The following SEL1L3 variants were observed in gnomAD, a reference collection of about 807,000 sequenced individuals.
The protein encoded by SEL1L3 is SEL1L family member 3.
A neutral mutation model predicts 142.8 loss-of-function variants in SEL1L3; 76 were observed. That is an observed-to-expected ratio of 0.53 (90% CI 0.44 to 0.64). SEL1L3 has a LOEUF of 0.64. Ranked by LOEUF, SEL1L3 falls within the 30% of genes least tolerant of loss-of-function variation. The probability of loss-of-function intolerance (pLI) is 0.00; values close to 1 mark genes in which losing one functional copy is unlikely to be tolerated. For missense variants in SEL1L3, 1,262 were observed against 1,381.7 expected (o/e 0.91, Z 1.37); for synonymous variants, 504 against 519.6 (o/e 0.97, Z 0.41).
At chr4:25,813,390 A>C (rs1714160279) in intron 9 of SEL1L3, among the ~76,000 whole-genome samples, 1 of 152,240 alleles carries the variant, frequency 6.6e-6, no homozygotes, top group African/African-American at 2.4e-5. Context: ...AGGAAATTCT[A>C]ACACACACTG....
chr4:25,789,943 G>T (rs1458114038), intron 12 of SEL1L3, among the ~76,000 whole-genome samples: 3 of 152,132 alleles, frequency 2.0e-5, no homozygotes, highest in Admixed American at 6.5e-5. Flanking sequence ...GATCCTTTTG[G>T]TCCAACAAGC....
downstream of SEL1L3, among the ~76,000 whole-genome samples, chr4:25,744,794 A>T (rs889625550): frequency 1.3e-5 from 2 of 152,186 alleles, no homozygotes; most frequent in Non-Finnish European, 2.9e-5. Context: ...AGACTAAGAC[A>T]CAGACACACG....
In SEL1L3 at chr4:25,849,534, G is replaced by A. The variant is rs138902039; in HGVS notation, c.163-1670C>T. On this transcript the variant is annotated intron_variant, in intron 1 of 23. Coordinates refer to ENST00000399878, the MANE Select transcript of SEL1L3 (RefSeq NM_015187.5). ...GGTTACCAGGGCCTAAGGGAAGAGG[G>A]GATTGAGGAGTTAGGATTTAATGGG... 5.2e-3 allele frequency among the ~76,000 whole-genome samples: 785 copies of A among 152,260 alleles called. 8 individuals are homozygous for A. The highest frequency in any genetic ancestry group is 0.017 in the African/African-American group (722 of 41,558).
chr4:25,793,312 T>G (rs1266859917), intron 11 of SEL1L3, among the ~76,000 whole-genome samples: 1 of 152,190 alleles, frequency 6.6e-6, no homozygotes, highest in African/African-American at 2.4e-5. Context: ...AGACAGGGTC[T>G]CACTCTGTCA....
the SEL1L3 span, among the ~76,000 whole-genome samples, chr4:25,726,301 G>A: frequency 8.6e-5 from 13 of 151,794 alleles, no homozygotes; most frequent in African/African-American, 2.7e-4. Context: ...AGGCCAAGGC[G>A]GGCAGATCAC....
chr4:25,800,755 G>A (rs545483284), intron 11 of SEL1L3, among the ~76,000 whole-genome samples: 2 of 152,260 alleles, frequency 1.3e-5, no homozygotes, highest in Non-Finnish European at 2.9e-5. Context: ...AATTATAAGG[G>A]TGTGTAAGTT....
chr4:25,739,731 C>A, the SEL1L3 span, among the ~76,000 whole-genome samples: 4 of 147,226 alleles, frequency 2.7e-5, no homozygotes, highest in Non-Finnish European at 6.0e-5. Context: ...AAAAAAAAAA[C>A]CCATGTGTGT....
the SEL1L3 span, among the ~76,000 whole-genome samples, chr4:25,733,572 G>A: frequency 1.1e-4 from 16 of 141,780 alleles, no homozygotes; most frequent in Non-Finnish European, 2.3e-4. Context: ...CTCAGCTGGA[G>A]TGCAGTGGCG....
At chr4:25,787,043 C>T (rs180972270) in intron 13 of SEL1L3, among the ~76,000 whole-genome samples, 2 of 152,292 alleles carry the variant, frequency 1.3e-5, no homozygotes, top group East Asian at 3.9e-4. Flanking sequence ...AAAGCCAAAG[C>T]TTTTTACTTT....
At chr4:25,794,218 T>C (rs1712551363) in intron 11 of SEL1L3, among the ~76,000 whole-genome samples, 1 of 152,076 alleles carries the variant, frequency 6.6e-6, no homozygotes, top group African/African-American at 2.4e-5. Context: ...AAAGAAACTA[T>C]CATCAGAGCA....
rs536177785 is a variant in SEL1L3 at position 25,777,744 on chromosome 4, T to A, written c.2585+1332A>T. On this transcript the variant is annotated intron_variant, in intron 16 of 23. Transcript: ENST00000399878. ...TGTCAAATATACTAAATAACAATGATAAAAAACTTCAAGTCAGTCTAAGTC... is the reference window on the plus strand; with the variant it reads ...TGTCAAATATACTAAATAACAATGAAAAAAAACTTCAAGTCAGTCTAAGTC... 182 of 441,870 alleles carry A rather than the reference T, an allele frequency of 4.1e-4. 2 individuals are homozygous for A. Among genetic ancestry groups the A allele is most frequent in the South Asian group, 2.9e-3 (177 of 61,590 alleles). 27.4% of individuals were successfully genotyped at this position (441,870 alleles called of 1,614,324 possible). A position where few individuals can be genotyped will look rare whatever the true frequency, so the allele number is the denominator to read the frequency against.
At chr4:25,729,086 G>A in the SEL1L3 span, among the ~76,000 whole-genome samples, 1 of 151,710 alleles carries the variant, frequency 6.6e-6, no homozygotes, top group African/African-American at 2.4e-5. Context: ...AAAAAAGAAT[G>A]GATGATTCCT....
chr4:25,753,369 AC>A (rs1164303486), intron 23 of SEL1L3, among the ~76,000 whole-genome samples: 5 of 152,296 alleles, frequency 3.3e-5, no homozygotes, highest in African/African-American at 9.6e-5. Flanking sequence ...AACAATCCTC[AC>A]CCAAAGCTGC....
the SEL1L3 span, among the ~76,000 whole-genome samples, chr4:25,722,245 G>A: frequency 6.6e-6 from 1 of 152,142 alleles, no homozygotes; most frequent in African/African-American, 2.4e-5. Flanking sequence ...GACTCATTTA[G>A]GTGCTATCTC....
At chr4:25,757,482 C>G in intron 23 of SEL1L3, 52 bp downstream of exon 23, 4 of 992,258 alleles carry the variant, frequency 4.0e-6, no homozygotes, top group African/African-American at 2.1e-5. Flanking sequence ...AAAAAAAAAT[C>G]CCTGCTTTTT....
chr4:25,742,107 C>A, the SEL1L3 span, among the ~76,000 whole-genome samples: 1 of 152,018 alleles, frequency 6.6e-6, no homozygotes, highest in Non-Finnish European at 1.5e-5. Context: ...CCACCGTGCC[C>A]GGCCAAATCT....
chr4:25,791,145 A>G (rs1401939932), intron 11 of SEL1L3, among the ~76,000 whole-genome samples: 2 of 152,260 alleles, frequency 1.3e-5, no homozygotes, highest in African/African-American at 4.8e-5. Flanking sequence ...AAGGCAAATC[A>G]ATATTTTCTA....
chr4:25,748,153 GAACAA>G lies in SEL1L3; in HGVS notation c.*267_*271del. ...TGACTCCTAATACATACAATCACTAGAACAAAAGTCTGTGATGGCCCAGTAAACTT... is the reference window on the plus strand; with the variant it reads ...TGACTCCTAATACATACAATCACTAGAAGTCTGTGATGGCCCAGTAAACTT... On this transcript the variant is annotated 3_prime_UTR_variant, in exon 24 of 24. Transcript: ENST00000399878. 1 of 440,530 alleles carries G rather than the reference GAACAA, an allele frequency of 2.3e-6. No homozygotes were observed. The highest frequency in any genetic ancestry group is 4.1e-6 in the Non-Finnish European group (1 of 241,902). The allele number at this position is 440,530 out of a possible 1,614,324, so 27.3% of individuals were successfully genotyped here. A position where few individuals can be genotyped will look rare whatever the true frequency, so the allele number is the denominator to read the frequency against.
the SEL1L3 span, among the ~76,000 whole-genome samples, chr4:25,722,114 T>C: frequency 6.1e-4 from 93 of 152,262 alleles, no homozygotes; most frequent in African/African-American, 2.2e-3. Flanking sequence ...TATATACCAT[T>C]TTAACAAAGG....
Sources: allele counts gnomAD v4.1 joint callset (sites outside exome capture counted in the v4.1 genomes callset), GRCh38; gene constraint gnomAD v4.1.1; transcripts MANE v1.5; gene names NCBI Gene and HGNC (gene_info 2026-07-23, HGNC 2026-07-21).